The following GPLD1 variants were observed in gnomAD, a reference collection of about 807,000 sequenced individuals.
The protein encoded by GPLD1 is glycosylphosphatidylinositol specific phospholipase D1, also known as phosphatidylinositol-glycan-specific phospholipase D.
GPLD1 carries 84 observed loss-of-function variants against 112.6 expected under a neutral mutation model. That is an observed-to-expected ratio of 0.75 (90% confidence interval 0.63 to 0.89). The LOEUF is 0.89. Among genes scored for constraint, GPLD1 ranks in the 40% least tolerant of loss-of-function variants. GPLD1 has a pLI of 0.00. For missense variants in GPLD1, 1,044 were observed against 1,051.5 expected, an observed-to-expected ratio of 0.99 and a Z score of 0.10; for synonymous variants, 386 against 403.8, an observed-to-expected ratio of 0.96 and a Z score of 0.53.
At chr6:24,435,661 T>C (rs1435129279) in intron 22 of GPLD1, among the ~76,000 whole-genome samples, 1 of 149,862 alleles carries the variant, frequency 6.7e-6, no homozygotes. Context: ...CTGTCTCTAC[T>C]AAAAATACAA....
chr6:24,454,099 G>T lies in GPLD1; in HGVS notation c.1251C>A (p.Tyr417Ter). The T allele has an allele frequency of 6.2e-7, 1 of 1,613,948 alleles. No individual in the cohort carries two copies. The highest frequency in any genetic ancestry group is 8.5e-7 in the Non-Finnish European group (1 of 1,179,856). Reference protein sequence around the residue: ...RPGHIHIGRVYLIYGNDLGLP... With the variant: ...RPGHIHIGRV ...GGCCCAGGTCATTGCCGTAGATGAGGTACACGCGCCCGATGTGGATGTGGC... is the reference window on the plus strand; with the variant it reads ...GGCCCAGGTCATTGCCGTAGATGAGTTACACGCGCCCGATGTGGATGTGGC... The change falls in exon 14 of 25, where the codon TAC (tyrosine) becomes TAA (stop). Residue 417 changes from tyrosine (Y) to a stop codon, truncating the protein, a stop_gained. Transcript: ENST00000230036. LOFTEE classifies it high-confidence loss of function.
chr6:24,436,149 G>A (rs919049683), intron 22 of GPLD1, among the ~76,000 whole-genome samples: 1 of 152,004 alleles, frequency 6.6e-6, no homozygotes, highest in African/African-American at 2.4e-5. Flanking sequence ...CTAGCTACTC[G>A]GGAGGCTGAG....
intron 3 of GPLD1, among the ~76,000 whole-genome samples, chr6:24,479,121 G>A (rs956627275): frequency 2.6e-5 from 4 of 151,832 alleles, no homozygotes; most frequent in Non-Finnish European, 4.4e-5. Flanking sequence ...AACCAGAGAC[G>A]TGCAAGCCCC....
At chr6:24,432,436 A>G (rs1252056126) in intron 24 of GPLD1, among the ~76,000 whole-genome samples, 1 of 151,916 alleles carries the variant, frequency 6.6e-6, no homozygotes, top group African/African-American at 2.4e-5. Context: ...CATGTCTACA[A>G]AAAGTTTTTG....
chr6:24,448,751 G>C (rs1484876823), intron 15 of GPLD1, among the ~76,000 whole-genome samples: 3 of 152,064 alleles, frequency 2.0e-5, no homozygotes, highest in Non-Finnish European at 4.4e-5. Flanking sequence ...TTGTACCCAT[G>C]GCACATCTGA....
intron 14 of GPLD1, 74 bp from the exon 15 acceptor site, chr6:24,449,973 T>A (rs770999321): frequency 8.6e-6 from 9 of 1,051,142 alleles, no homozygotes; most frequent in Non-Finnish European, 1.1e-5. Flanking sequence ...CCCCAGGGAG[T>A]AGAGAGGCCT....
At chr6:24,450,931 C>T (rs1254675727) in intron 14 of GPLD1, among the ~76,000 whole-genome samples, 1 of 152,212 alleles carries the variant, frequency 6.6e-6, no homozygotes, top group Non-Finnish European at 1.5e-5. Context: ...GAGATCATGC[C>T]ACTGCACTCC....
At chr6:24,442,719 C>T (rs1320833314) in intron 20 of GPLD1, among the ~76,000 whole-genome samples, 2 of 151,442 alleles carry the variant, frequency 1.3e-5, no homozygotes, top group East Asian at 2.0e-4. Context: ...GCTAAGATTA[C>T]AGGCATGAGC....
intron 2 of GPLD1, 71 bp from the exon 3 acceptor site, chr6:24,480,030 T>G (rs1426230592): frequency 1.1e-6 from 1 of 890,806 alleles, no homozygotes; most frequent in Non-Finnish European, 1.9e-6. Context: ...CCCCACCAAT[T>G]TTCTGTGATG....
chr6:24,473,357 A>C, intron 6 of GPLD1: 1 of 283,878 alleles, frequency 3.5e-6, no homozygotes. Context: ...CCAATGTATA[A>C]GTAAAGTTTT....
chr6:24,450,499 T>C (rs545945233), intron 14 of GPLD1, among the ~76,000 whole-genome samples: 3 of 151,076 alleles, frequency 2.0e-5, no homozygotes, highest in South Asian at 4.2e-4. Context: ...AGACTCCATC[T>C]CAAAAAAACA....
chr6:24,457,563 A>C (rs1465302816), intron 12 of GPLD1, among the ~76,000 whole-genome samples: 2 of 151,850 alleles, frequency 1.3e-5, no homozygotes, highest in Non-Finnish European at 2.9e-5. Context: ...CAAACAAATA[A>C]ACTGGAACAA....
At chr6:24,487,358 T>TAA (rs148184774) in intron 1 of GPLD1, among the ~76,000 whole-genome samples, 1 of 152,162 alleles carries the variant, frequency 6.6e-6, no homozygotes, top group South Asian at 2.1e-4. Context: ...TTCTTCTATG[T>TAA]AAAAAAATTC....
chr6:24,452,768 T>TA (rs1343005563), intron 14 of GPLD1, among the ~76,000 whole-genome samples: 1 of 109,768 alleles, frequency 9.1e-6, no homozygotes, highest in Non-Finnish European at 1.8e-5. Flanking sequence ...AGTGAGAGTT[T>TA]ATCTCAAAAA....
upstream of GPLD1, among the ~76,000 whole-genome samples, chr6:24,489,978 C>G (rs1764511070): frequency 6.6e-6 from 1 of 152,186 alleles, no homozygotes. Context: ...ATTTATCAGG[C>G]TGTCCTGCTT....
chr6:24,462,694 G>GTACTTTTTCTA, intron 11 of GPLD1, 36 bp downstream of exon 11: 1 of 1,414,314 alleles, frequency 7.1e-7, no homozygotes, highest in East Asian at 2.3e-5. Context: ...CAGGTGAGAT[G>GTACTTTTTCTA]TACTTTTTCT....
chr6:24,474,969 A>G (rs1266327304), intron 5 of GPLD1, 152 bp downstream of exon 5: 23 of 526,256 alleles, frequency 4.4e-5, no homozygotes, highest in Non-Finnish European at 6.1e-5. Flanking sequence ...AAAAGGAACA[A>G]ATTGGAAAAG....
At chr6:24,480,893 G>T (rs561888610) in intron 2 of GPLD1, among the ~76,000 whole-genome samples, 2 of 152,310 alleles carry the variant, frequency 1.3e-5, no homozygotes, top group African/African-American at 4.8e-5. Context: ...GAAGCATTTG[G>T]TTTTTCCACA....
intron 10 of GPLD1, among the ~76,000 whole-genome samples, chr6:24,463,604 C>T (rs1430213279): frequency 6.6e-6 from 1 of 152,210 alleles, no homozygotes; most frequent in East Asian, 1.9e-4. Flanking sequence ...GGCAGCCTTA[C>T]AGCATTAGCA....
Sources: gnomAD v4.1 joint callset for allele counts (sites outside exome capture counted in the v4.1 genomes callset) on GRCh38, gnomAD v4.1.1 for gene constraint, MANE v1.5 for transcripts, NCBI Gene and HGNC (gene_info 2026-07-23, HGNC 2026-07-21) for gene names.